LIPE: variants seen among roughly 807,000 people sequenced by gnomAD.
The protein encoded by LIPE is lipase E, hormone sensitive type, also known as hormone-sensitive lipase.
In LIPE, 66 loss-of-function variants were observed where a neutral mutation model predicts 88.5. The ratio of observed to expected loss-of-function variants is 0.75; its 90% CI spans 0.61 to 0.91. The LOEUF (loss-of-function observed/expected upper bound fraction) is 0.91. LIPE is among the 40% of genes least tolerant of loss of function. LIPE has a pLI of 0.00. For synonymous variants in LIPE, 570 were observed against 617.5 expected (o/e 0.92, Z 1.14); for missense variants, 1,346 against 1,434.7 (o/e 0.94, Z 1.00).
Position 42,406,307 on chromosome 19 carries a change from G to C in LIPE, c.2219C>G (p.Ala740Gly). Residue 740 changes from alanine to glycine, a missense_variant, in exon 7 of 10, where the codon GCC becomes GGC. Ala to Gly is a moderately conservative substitution (Grantham distance 60, BLOSUM62 0). Transcript: ENST00000244289. The surrounding 1 kb of genome is among the most constrained non-coding windows in gnomAD (Gnocchi z 5.7). Reference sequence around the variant, plus strand: ...GCCATCTGGCACCCGCACCCCGTAGGCTGCTGCCCGAAGAGCCACGGTGAA... The same window carrying C: ...GCCATCTGGCACCCGCACCCCGTAGCCTGCTGCCCGAAGAGCCACGGTGAA... ...LCFTVALRAA[A>G]YGVRVPDGIM... The C allele has an allele frequency of 6.2e-7, 1 of 1,614,150 alleles. No homozygotes were observed. Among genetic ancestry groups the C allele is most frequent in the Non-Finnish European group, 8.5e-7 (1 of 1,180,022 alleles).
In LIPE at chr19:42,408,219, G is replaced by A. The variant is rs751426142; in HGVS notation, c.1510+13C>T. On this transcript the variant is annotated intron_variant, in intron 3 of 9. Transcript: ENST00000244289. This position sits in a 1 kb window ranked among gnomAD's most constrained non-coding sequence, Gnocchi z 4.3. ...AGAGAGTAGGCTGCGAGTAGAACCT[G>A]GCTGGGACTCACTGAGGCCTGTCTC... The A allele has an allele frequency of 1.9e-5, 31 of 1,613,772 alleles. No individual in the cohort carries two copies. In the South Asian group the frequency reaches 3.3e-4, roughly 17 times the overall value.
Position 42,405,476 on chromosome 19 carries a change from G to A in LIPE, c.2451C>T (p.Leu817=), listed in dbSNP as rs771836268. Residue 817 remains leucine, a synonymous_variant, in exon 8 of 10, where the codon CTC becomes CTT. Coordinates refer to ENST00000244289, the MANE Select transcript of LIPE (RefSeq NM_005357.4). ...AGGAGGCACCCAGGCGGAAGTCTCGGAGGAGCAGGGCTGTGTCCCGCCGCA... is the reference window on the plus strand; with the variant it reads ...AGGAGGCACCCAGGCGGAAGTCTCGAAGGAGCAGGGCTGTGTCCCGCCGCA... ...GLVRRDTALL[L]RDFRLGASSW... 6.2e-7 allele frequency: 1 copy of A among 1,614,002 alleles called. No individual in the cohort carries two copies. Among genetic ancestry groups the A allele is most frequent in the African/African-American group, 1.3e-5 (1 of 74,952 alleles).
intron 1 of LIPE, among the ~76,000 whole-genome samples, chr19:42,411,570 C>T (rs995163804): frequency 6.6e-6 from 1 of 152,186 alleles, no homozygotes; most frequent in Non-Finnish European, 1.5e-5. Flanking sequence ...CGCAGCTCTC[C>T]CTGAACTCAG....
intron 2 of LIPE, among the ~76,000 whole-genome samples, chr19:42,409,129 C>T (rs1018770511): frequency 4.0e-5 from 6 of 151,756 alleles, no homozygotes; most frequent in Admixed American, 3.9e-4. Context: ...CCAGAGACAG[C>T]CCCCCAGGCA....
Position 42,407,531 on chromosome 19 carries a change from C to A in LIPE, c.1843-63G>T. 6.3e-7 allele frequency: 1 copy of A among 1,578,058 alleles called. No individual in the cohort carries two copies. Among genetic ancestry groups the A allele is most frequent in the South Asian group, 1.2e-5 (1 of 85,532 alleles). The stretch of plus-strand genomic sequence containing the variant: ...AGAGCTGGCCAGGGCTGCACCCCTC[C>A]ATGGGGATGCCAAGGTGGGGGCTGC... On this transcript the variant is annotated intron_variant, in intron 5 of 9. Transcript: ENST00000244289. The surrounding 1 kb of genome is among the most constrained non-coding windows in gnomAD (Gnocchi z 5.8).
chr19:42,410,565 G>A lies in LIPE; in HGVS notation c.1161C>T (p.Leu387=). The change falls in exon 2 of 10, where the codon CTC becomes CTT. Residue 387 remains leucine, a synonymous_variant. Transcript: ENST00000244289. This position sits in a 1 kb window ranked among gnomAD's most constrained non-coding sequence, Gnocchi z 6.1. ...VHTARCCLAH[L]LHKSRYVASN... is the part of the protein sequence containing the mutation. ...AGGCCACATAGCGGGATTTGTGCAG[G>A]AGGTGCGCCAGGCAGCAGCGGGCTG... 5.6e-6 allele frequency: 9 copies of A among 1,612,990 alleles called. No individual in the cohort carries two copies. The highest frequency in any genetic ancestry group is 7.6e-6 in the Non-Finnish European group (9 of 1,179,956).
At chr19:42,423,749 C>T (rs780086735) in intron 1 of LIPE, 141 of 1,124,342 alleles carry the variant, frequency 1.3e-4, no homozygotes, top group Non-Finnish European at 1.5e-4. Flanking sequence ...CCGCCCCCTA[C>T]CGCGCATTAA....
chr19:42,424,555 C>A, intron 1 of LIPE: 2 of 456,368 alleles, frequency 4.4e-6, no homozygotes, highest in Non-Finnish European at 8.8e-6. Flanking sequence ...CCTCTTCCTT[C>A]CCTCTCAAAG....
At chr19:42,417,650 G>A (rs1014116056) in intron 1 of LIPE, among the ~76,000 whole-genome samples, 3 of 152,154 alleles carry the variant, frequency 2.0e-5, no homozygotes, top group African/African-American at 7.2e-5. Flanking sequence ...CTCTTGAATA[G>A]CTGGGATTAC....
rs56983822 is a variant in LIPE at position 42,403,241 on chromosome 19, ATG to A, written c.2543-212_2543-211del. Reference sequence around the variant, plus strand: ...GTGGGGCAGTGTGTTCTAGTGAAGGATGTGTGTGTGTGTGTGTGTGTGTGTGT... The same window carrying A: ...GTGGGGCAGTGTGTTCTAGTGAAGGATGTGTGTGTGTGTGTGTGTGTGTGT... On this transcript the variant is annotated intron_variant, in intron 8 of 9. Transcript: ENST00000244289. Among the ~76,000 whole-genome samples the A allele has an allele frequency of 0.18, 16,273 of 91,640 alleles. 1,343 individuals carry two copies. Among genetic ancestry groups the A allele is most frequent in the Admixed American group, 0.26 (2,361 of 9,054 alleles). 60.1% of individuals were successfully genotyped at this position (91,640 alleles called of 152,430 possible). A position where few individuals can be genotyped will look rare whatever the true frequency, so the allele number is the denominator to read the frequency against.
intron 1 of LIPE, chr19:42,423,814 G>A (rs1600148290): frequency 9.0e-7 from 1 of 1,113,328 alleles, no homozygotes; most frequent in Middle Eastern, 4.2e-4. Flanking sequence ...GCGTCCTTCG[G>A]GCAGGACTAG....
rs778198758 is a variant in LIPE, at chr19:42,427,048, T to C, written c.102A>G (p.Ile34Met). The C allele has an allele frequency of 6.2e-7, 1 of 1,614,148 alleles. No homozygotes were observed. Among genetic ancestry groups the C allele is most frequent in the African/African-American group, 1.3e-5 (1 of 75,018 alleles). The change falls in exon 1 of 10, where the codon ATA becomes ATG. Residue 34 changes from isoleucine to methionine, a missense_variant. By Grantham distance (10) the Ile-to-Met change is conservative. Transcript: ENST00000244289. The stretch of plus-strand genomic sequence containing the variant: ...GCAGAGTCTTCGATTCTGGCTGGGC[T>C]ATGGGTGTCTTTTCTGGCCCAGGCT... Reference protein sequence around the residue: ...PLEPGPEKTPIAQPESKTLQG... With the variant: ...PLEPGPEKTPMAQPESKTLQG...
Position 42,410,691 on chromosome 19 carries a change from C to G in LIPE, c.1035G>C (p.Ala345=). Residue 345 remains alanine, a synonymous_variant, in exon 2 of 10, where the codon GCG becomes GCC. Transcript: ENST00000244289. The surrounding 1 kb of genome is among the most constrained non-coding windows in gnomAD (Gnocchi z 6.1). ...SGVFAGVREQ[A]LGLEPALGRL... is the part of the protein sequence containing the mutation. ...GGCCCAGGGCCGGCTCCAGCCCCAG[C>G]GCCTGCTCCCGTACACCGGCAAAAA... 1 of 1,612,906 alleles carries G rather than the reference C, an allele frequency of 6.2e-7. No homozygotes were observed. The highest frequency in any genetic ancestry group is 2.2e-5 in the East Asian group (1 of 44,840).
chr19:42,405,665 A>G (rs1600109084), intron 7 of LIPE, 104 bp from the exon 8 acceptor site: 7 of 1,159,670 alleles, frequency 6.0e-6, no homozygotes, highest in Non-Finnish European at 8.6e-6. Flanking sequence ...GAGAATATCC[A>G]ATCGCTTCAA....
In LIPE at chr19:42,407,571, T is replaced by C; in HGVS notation, c.1842+35A>G. ...GTGGGGGCTGCCCACGCTCCTCGGC[T>C]CTGTCCCTGTCCCTGGCTGAGGCTG... On this transcript the variant is annotated intron_variant, in intron 5 of 9. Coordinates refer to ENST00000244289, the MANE Select transcript of LIPE (RefSeq NM_005357.4). The surrounding 1 kb of genome is among the most constrained non-coding windows in gnomAD (Gnocchi z 5.8). The C allele has an allele frequency of 6.3e-7, 1 of 1,586,614 alleles. No individual in the cohort carries two copies. Among genetic ancestry groups the C allele is most frequent in the South Asian group, 1.2e-5 (1 of 86,594 alleles).
At position 42,426,972 on chromosome 19, in the gene LIPE, G is replaced by A. The variant is rs1600153691; in HGVS notation, c.178C>T (p.Gln60Ter). 6.2e-7 allele frequency: 1 copy of A among 1,614,006 alleles called. No individual in the cohort carries two copies. The highest frequency in any genetic ancestry group is 8.5e-7 in the Non-Finnish European group (1 of 1,180,010). Residue 60 changes from glutamine to a stop codon, truncating the protein, a stop_gained, in exon 1 of 10, where the codon CAG becomes TAG. Transcript: ENST00000244289. LOFTEE classifies it high-confidence loss of function. ...KPASNQRPLTQQETPAQHDAE... is the reference protein window; with the variant it reads ...KPASNQRPLT ...TCATGTTGTGCAGGGGTCTCCTGCT[G>A]GGTGAGGGGTCTTTGGTTTGAAGCA...
At chr19:42,424,701 T>C in intron 1 of LIPE, 2 of 450,668 alleles carry the variant, frequency 4.4e-6, no homozygotes, top group Non-Finnish European at 8.9e-6. Flanking sequence ...TACCCTCAGC[T>C]TCAGGATTAG....
chr19:42,403,590 GGCATGTGCCAC>G (rs568519089), intron 8 of LIPE, among the ~76,000 whole-genome samples: 171 of 151,754 alleles, frequency 1.1e-3, no homozygotes, highest in African/African-American at 4.1e-3. Flanking sequence ...TGGGACTATA[GGCATGTGCCAC>G]CATGCCCGGC....
At chr19:42,423,526 GC>G in intron 1 of LIPE, 1 of 1,261,236 alleles carries the variant, frequency 7.9e-7, no homozygotes, top group Non-Finnish European at 1.0e-6. Flanking sequence ...CGTTCCCCCG[GC>G]CAACTCCATC....
Sources: allele counts gnomAD v4.1 joint callset (sites outside exome capture counted in the v4.1 genomes callset), GRCh38; gene constraint gnomAD v4.1.1; non-coding constraint Gnocchi (gnomAD v3.1); transcripts MANE v1.5; gene names NCBI Gene and HGNC (gene_info 2026-07-23, HGNC 2026-07-21).